Variants in SAMD3 observed in about 807,000 individuals in gnomAD.
SAMD3 encodes sterile alpha motif domain containing 3, also known as sterile alpha motif domain-containing protein 3.
SAMD3 carries 63 observed loss-of-function variants against 58.5 expected under a neutral mutation model. The observed-to-expected ratio is 1.08, with a 90% CI of 0.88 to 1.33. SAMD3 has a LOEUF of 1.33. Among genes scored for constraint, SAMD3 ranks in the 40% most tolerant of loss-of-function variants. SAMD3 has a pLI of 0.00. For missense variants in SAMD3, 604 were observed against 608.4 expected (o/e 0.99, Z 0.08); for synonymous variants, 220 against 210.3 (o/e 1.05, Z -0.40).
At chr6:130,174,989 T>C (rs1475785) in intron 8 of SAMD3, among the ~76,000 whole-genome samples, 152,071 of 152,354 alleles carry the variant, frequency 1, 75,895 homozygotes, top group Middle Eastern at 1. Flanking sequence ...TGCCCTTTTA[T>C]TATCCAATAA....
chr6:130,190,681 T>A (rs1478596554), intron 5 of SAMD3, among the ~76,000 whole-genome samples: 1 of 151,794 alleles, frequency 6.6e-6, no homozygotes, highest in East Asian at 1.9e-4. Context: ...TAAAAAAAAA[T>A]AAGAAAAGTA....
chr6:130,153,583 C>A (rs909943875), intron 9 of SAMD3, among the ~76,000 whole-genome samples: 8 of 147,840 alleles, frequency 5.4e-5, no homozygotes, highest in Admixed American at 2.7e-4. Flanking sequence ...TGTGAAAGAA[C>A]CTTGAATGGC....
At chr6:130,269,646 G>A (rs922340307) in intron 2 of SAMD3, among the ~76,000 whole-genome samples, 4 of 151,394 alleles carry the variant, frequency 2.6e-5, no homozygotes, top group African/African-American at 9.7e-5. Context: ...CAATTTTATT[G>A]ATTTTTTTTC....
intron 1 of SAMD3, among the ~76,000 whole-genome samples, chr6:130,323,502 T>A (rs984047415): frequency 3.3e-5 from 5 of 151,884 alleles, no homozygotes; most frequent in African/African-American, 1.2e-4. Flanking sequence ...TTAAGCACCA[T>A]TCAGGAATTT....
chr6:130,351,906 C>T (rs1023230921), intron 1 of SAMD3, among the ~76,000 whole-genome samples: 20 of 152,212 alleles, frequency 1.3e-4, no homozygotes, highest in Non-Finnish European at 2.5e-4. Flanking sequence ...AGTTCATGTC[C>T]TTTGTAGGGA....
At chr6:130,280,787 A>G (rs1227601927) in intron 2 of SAMD3, among the ~76,000 whole-genome samples, 3 of 152,214 alleles carry the variant, frequency 2.0e-5, no homozygotes, top group Non-Finnish European at 4.4e-5. Context: ...TTATTTTCAT[A>G]TTAAAATTTA....
At chr6:130,203,184 A>T (rs1395097480) in intron 5 of SAMD3, among the ~76,000 whole-genome samples, 1 of 152,120 alleles carries the variant, frequency 6.6e-6, no homozygotes, top group Non-Finnish European at 1.5e-5. Flanking sequence ...CGAGAGCAGA[A>T]TTTTTTCAAA....
At chr6:130,157,411 T>C (rs949008214) in intron 8 of SAMD3, among the ~76,000 whole-genome samples, 8 of 151,812 alleles carry the variant, frequency 5.3e-5, no homozygotes, top group Admixed American at 3.9e-4. Context: ...TGATCACAGC[T>C]CAGTGCAGCC....
At chr6:130,331,574 T>C (rs1286518792) in intron 1 of SAMD3, among the ~76,000 whole-genome samples, 1 of 151,674 alleles carries the variant, frequency 6.6e-6, no homozygotes, top group African/African-American at 2.4e-5. Context: ...AATACAAAAA[T>C]TAGGTGTGGT....
intron 5 of SAMD3, among the ~76,000 whole-genome samples, chr6:130,192,542 GAAC>G (rs1483316025): frequency 3.8e-4 from 58 of 150,682 alleles, no homozygotes; most frequent in African/African-American, 1.3e-3. Context: ...GCCCACCAGA[GAAC>G]AACCCCCCTT....
At chr6:130,354,370 C>T (rs1190858596) in intron 1 of SAMD3, among the ~76,000 whole-genome samples, 1 of 152,172 alleles carries the variant, frequency 6.6e-6, no homozygotes, top group Admixed American at 6.5e-5. Context: ...AAGACACATT[C>T]ATGCATATGT....
chr6:130,216,078 T>C, intron 2 of SAMD3: 1 of 327,074 alleles, frequency 3.1e-6, no homozygotes. Flanking sequence ...TTAATAATTA[T>C]CGTGAAAGAA....
chr6:130,310,958 A>G (rs111909855), intron 2 of SAMD3, among the ~76,000 whole-genome samples: 135 of 152,258 alleles, frequency 8.9e-4, no homozygotes, highest in African/African-American at 3.0e-3. Context: ...TCGGGGGATT[A>G]AGCAGGGAGA....
In SAMD3 at chr6:130,191,292, C is replaced by T. The variant is rs147969642; in HGVS notation, c.384-6669G>A. On this transcript the variant is annotated intron_variant, in intron 5 of 11. Coordinates refer to ENST00000439090, the MANE Select transcript of SAMD3 (RefSeq NM_001017373.4). ...TGTGGTCTCCCTGAGAGGAGAGTTACTGCTTCCTATTTCTGAGGACAACTG... is the reference window on the plus strand; with the variant it reads ...TGTGGTCTCCCTGAGAGGAGAGTTATTGCTTCCTATTTCTGAGGACAACTG... Among the ~76,000 whole-genome samples the T allele has an allele frequency of 6.4e-3, 973 of 152,256 alleles. 3 individuals are homozygous for T. Among genetic ancestry groups the T allele is most frequent in the Middle Eastern group, 0.024 (7 of 294 alleles).
At chr6:130,194,141 C>A (rs941807947) in intron 5 of SAMD3, among the ~76,000 whole-genome samples, 22 of 152,188 alleles carry the variant, frequency 1.4e-4, no homozygotes, top group Non-Finnish European at 2.1e-4. Context: ...AGCCCTCCCC[C>A]ACCTGCCCAG....
At chr6:130,307,921 A>G (rs1336201298) in intron 2 of SAMD3, among the ~76,000 whole-genome samples, 1 of 152,188 alleles carries the variant, frequency 6.6e-6, no homozygotes, top group African/African-American at 2.4e-5. Flanking sequence ...TGCTTTCATA[A>G]TATCTTTTGA....
intron 5 of SAMD3, among the ~76,000 whole-genome samples, chr6:130,193,844 C>A (rs1036827013): frequency 1.3e-5 from 2 of 152,154 alleles, no homozygotes; most frequent in Non-Finnish European, 2.9e-5. Context: ...TCCAGGCATT[C>A]TTTTACACAT....
At chr6:130,338,273 G>T (rs1048861070) in intron 1 of SAMD3, among the ~76,000 whole-genome samples, 4 of 152,240 alleles carry the variant, frequency 2.6e-5, no homozygotes, top group Admixed American at 6.5e-5. Flanking sequence ...CAAGAAACGA[G>T]ATTTGGGAAC....
chr6:130,260,845 T>A (rs950323044), intron 2 of SAMD3, among the ~76,000 whole-genome samples: 1 of 152,226 alleles, frequency 6.6e-6, no homozygotes, highest in Non-Finnish European at 1.5e-5. Context: ...GGGAAGGAAC[T>A]GGTACTTGGA....
Sources: gnomAD v4.1 joint callset for allele counts (sites outside exome capture counted in the v4.1 genomes callset) on GRCh38, gnomAD v4.1.1 for gene constraint, MANE v1.5 for transcripts, NCBI Gene and HGNC (gene_info 2026-07-23, HGNC 2026-07-21) for gene names.